The following PIWIL1 variants were observed in gnomAD, a reference collection of about 807,000 sequenced individuals.
PIWIL1 encodes piwi like RNA-mediated gene silencing 1.
Under a neutral mutation model 114.4 loss-of-function variants are expected in PIWIL1, and 73 were observed. The observed-to-expected ratio is 0.64, with a 90% confidence interval of 0.53 to 0.78. PIWIL1 has a LOEUF of 0.78. Among genes scored for constraint, PIWIL1 ranks in the 30% least tolerant of loss-of-function variants. PIWIL1 has a pLI of 0.00. For missense variants in PIWIL1, 723 were observed against 1,063.1 expected, an observed-to-expected ratio of 0.68 and a Z score of 4.45; for synonymous variants, 375 against 369.0, an observed-to-expected ratio of 1.02 and a Z score of -0.19.
At chr12:130,392,302 G>A in the PIWIL1 span, among the ~76,000 whole-genome samples, 7 of 17,748 alleles carry the variant, frequency 3.9e-4, no homozygotes, top group African/African-American at 6.1e-4. Flanking sequence ...GTGATGACCC[G>A]GTCACCGTCA....
intron 19 of PIWIL1, among the ~76,000 whole-genome samples, chr12:130,370,550 G>A (rs1028452890): frequency 6.6e-6 from 1 of 152,126 alleles, no homozygotes; most frequent in Non-Finnish European, 1.5e-5. Context: ...GAGGATTTTG[G>A]TATCCTCAGG....
chr12:130,424,762 C>T, the PIWIL1 span: 24 of 1,232,648 alleles, frequency 1.9e-5, no homozygotes, highest in Non-Finnish European at 2.4e-5. The surrounding 1 kb of genome is among the most constrained non-coding windows in gnomAD (Gnocchi z 9.8). Context: ...TCTTCCGCTA[C>T]TTCGGGGATA....
chr12:130,419,116 G>A, the PIWIL1 span, among the ~76,000 whole-genome samples: 1 of 152,246 alleles, frequency 6.6e-6, no homozygotes, highest in Non-Finnish European at 1.5e-5. The surrounding 1 kb of genome is among the most constrained non-coding windows in gnomAD (Gnocchi z 4.3). Context: ...CAGGGAAAGA[G>A]TAGCAGCCTC....
At chr12:130,386,008 C>T in the PIWIL1 span, among the ~76,000 whole-genome samples, 1 of 152,168 alleles carries the variant, frequency 6.6e-6, no homozygotes, top group African/African-American at 2.4e-5. Flanking sequence ...CTCCTTGCTG[C>T]ATGTTCTTCT....
chr12:130,355,673 G>T lies in PIWIL1; in HGVS notation c.1404+6G>T. The T allele has an allele frequency of 6.3e-7, 1 of 1,583,146 alleles. No individual in the cohort carries two copies. The highest frequency in any genetic ancestry group is 1.3e-5 in the African/African-American group (1 of 74,438). ...TTCACCAAGGTGGAAAAACAGTAAG[G>T]CAGTTTTTCGTTGGTGTTGTTGTTG... On this transcript the variant is annotated splice_donor_region_variant and intron_variant, in intron 12 of 20. Coordinates refer to ENST00000245255, the MANE Select transcript of PIWIL1 (RefSeq NM_004764.5).
chr12:130,421,488 T>C, the PIWIL1 span, among the ~76,000 whole-genome samples: 32 of 152,378 alleles, frequency 2.1e-4, no homozygotes, highest in African/African-American at 7.7e-4. Context: ...AGAATCTGTT[T>C]TGCTTTATGA....
chr12:130,423,277 G>A, the PIWIL1 span, among the ~76,000 whole-genome samples: 66,643 of 152,058 alleles, frequency 0.44, 15,203 homozygotes, highest in Middle Eastern at 0.52. Context: ...CGGGGATGAG[G>A]CGTGTCTGCT....
At chr12:130,383,072 T>C in the PIWIL1 span, among the ~76,000 whole-genome samples, 2 of 152,226 alleles carry the variant, frequency 1.3e-5, no homozygotes, top group East Asian at 1.9e-4. Context: ...ACTGTGCAGC[T>C]TTTATATATC....
At chr12:130,379,153 C>T in the PIWIL1 span, among the ~76,000 whole-genome samples, 1 of 152,162 alleles carries the variant, frequency 6.6e-6, no homozygotes, top group East Asian at 1.9e-4. Context: ...CTGTTTAATT[C>T]GCTGTAGGGT....
At position 130,346,510 on chromosome 12, in the gene PIWIL1, CA is replaced by C; in HGVS notation, c.458del (p.His153ProfsTer4). 1 of 1,614,040 alleles carries C rather than the reference CA, an allele frequency of 6.2e-7. No individual in the cohort carries two copies. Among genetic ancestry groups the C allele is most frequent in the African/African-American group, 1.3e-5 (1 of 75,044 alleles). On this transcript the variant is annotated frameshift_variant, in exon 5 of 21. Transcript: ENST00000245255. LOFTEE classifies it high-confidence loss of function. Reference protein sequence around the residue: ...RRLRSALLFQHEDLIGKCHAF... With the variant: ...RRLRSALLFQXEDLIGKCHAF... ...ACTCCGTTCAGCTCTTCTTTTTCAA[CA>C]CGAAGATCTAATTGGAAAGTGTCAT...
At chr12:130,360,494 A>G (rs139419564) in intron 14 of PIWIL1, among the ~76,000 whole-genome samples, 28 of 152,224 alleles carry the variant, frequency 1.8e-4, no homozygotes, top group South Asian at 4.2e-4. Context: ...TTAGCCAGGC[A>G]TGGTGGTGCG....
At chr12:130,388,880 T>C in the PIWIL1 span, among the ~76,000 whole-genome samples, 1 of 152,170 alleles carries the variant, frequency 6.6e-6, no homozygotes, top group Non-Finnish European at 1.5e-5. Context: ...ACAATGATAA[T>C]TCTGTTTTCT....
Position 130,348,065 on chromosome 12 carries a change from A to G in PIWIL1, c.654-38A>G, listed in dbSNP as rs1304600859. 3.8e-6 allele frequency: 5 copies of G among 1,312,658 alleles called. No homozygotes were observed. In the East Asian group the frequency reaches 1.2e-4, roughly 30 times the overall value. 81.3% of individuals were successfully genotyped at this position (1,312,658 alleles called of 1,614,324 possible). On this transcript the variant is annotated intron_variant, in intron 6 of 20. Coordinates refer to ENST00000245255, the MANE Select transcript of PIWIL1 (RefSeq NM_004764.5). ...CTGTTCTGATTGTCGTATTAGAGAT[A>G]CTTATCAATATTCACTCTCTGACCT...
chr12:130,356,387 A>G (rs960690214), intron 12 of PIWIL1, among the ~76,000 whole-genome samples: 3 of 151,304 alleles, frequency 2.0e-5, no homozygotes, highest in African/African-American at 4.9e-5. Context: ...TGTTTACGCT[A>G]TCCCCTGCGT....
intron 10 of PIWIL1, 80 bp downstream of exon 10, chr12:130,354,743 A>G: frequency 6.6e-7 from 1 of 1,507,666 alleles, no homozygotes; most frequent in Non-Finnish European, 8.9e-7. Flanking sequence ...ACATTCCTTT[A>G]CTTCCCCTTC....
chr12:130,409,332 CTTTTTTTTT>C, the PIWIL1 span, among the ~76,000 whole-genome samples: 5 of 65,384 alleles, frequency 7.6e-5, no homozygotes, highest in Non-Finnish European at 1.2e-4. Flanking sequence ...CAAAATGTAG[CTTTTTTTTT>C]TTTTTTTTTT....
At chr12:130,357,301 C>G (rs1018255910) in intron 13 of PIWIL1, among the ~76,000 whole-genome samples, 180 bp from the exon 14 acceptor site, 9 of 151,936 alleles carry the variant, frequency 5.9e-5, no homozygotes, top group African/African-American at 2.2e-4. Flanking sequence ...TTTCTGAAAC[C>G]TGCGTGCTTA....
At position 130,367,123 on chromosome 12, in the gene PIWIL1, C is replaced by G. The variant is rs754815228; in HGVS notation, c.2196-10C>G. Reference sequence around the variant, plus strand: ...GGCTAAATGCAGTTACATTCATCATCATTTTTAAGCCCTAGACTAACGGTA... The same window carrying G: ...GGCTAAATGCAGTTACATTCATCATGATTTTTAAGCCCTAGACTAACGGTA... On this transcript the variant is annotated splice_polypyrimidine_tract_variant and intron_variant, in intron 18 of 20. Coordinates refer to ENST00000245255, the MANE Select transcript of PIWIL1 (RefSeq NM_004764.5). The G allele has an allele frequency of 1.9e-6, 3 of 1,613,464 alleles. No individual in the cohort carries two copies. In the South Asian group the frequency reaches 3.3e-5, roughly 18 times the overall value.
chr12:130,347,310 T>C (rs2073095857), intron 6 of PIWIL1, among the ~76,000 whole-genome samples: 1 of 152,228 alleles, frequency 6.6e-6, no homozygotes, highest in East Asian at 1.9e-4. Flanking sequence ...TTCAGAACAC[T>C]CATATCCTCG....
Sources: allele counts gnomAD v4.1 joint callset (sites outside exome capture counted in the v4.1 genomes callset), GRCh38; gene constraint gnomAD v4.1.1; non-coding constraint Gnocchi (gnomAD v3.1); transcripts MANE v1.5; gene names NCBI Gene and HGNC (gene_info 2026-07-23, HGNC 2026-07-21).